The following FBLN2 variants were observed in gnomAD, a reference collection of about 807,000 sequenced individuals.
FBLN2 encodes fibulin-2.
FBLN2 carries 81 observed loss-of-function variants against 123.7 expected under a neutral mutation model. The observed-to-expected ratio is 0.65, with a 90% CI of 0.55 to 0.79. The LOEUF is 0.79. Among genes scored for constraint, FBLN2 ranks in the 30% least tolerant of loss-of-function variants. The pLI, the probability that FBLN2 is intolerant of heterozygous loss-of-function variation, is 0.00. For missense variants in FBLN2, 1,603 were observed against 1,681.3 expected, an observed-to-expected ratio of 0.95 and a Z score of 0.81; for synonymous variants, 699 against 701.4, an observed-to-expected ratio of 1.00 and a Z score of 0.05.
At chr3:13,553,475 T>A (rs1321420344) in intron 1 of FBLN2, among the ~76,000 whole-genome samples, 2 of 152,160 alleles carry the variant, frequency 1.3e-5, no homozygotes, top group African/African-American at 4.8e-5. Flanking sequence ...CCTGGCGAGC[T>A]GCCCTCGTGT....
In FBLN2 at chr3:13,636,529, G is replaced by A. The variant is rs781052911; in HGVS notation, c.3299G>A (p.Arg1100His). 2.0e-5 allele frequency: 33 copies of A among 1,613,546 alleles called. No individual in the cohort carries two copies. The highest frequency in any genetic ancestry group is 1.3e-4 in the East Asian group (6 of 44,874). The change falls in exon 17 of 18, where the codon CGC becomes CAC. Residue 1100 changes from arginine (R) to histidine (H), a missense_variant. Transcript: ENST00000404922. ...ATCCAGGGTAGCTTCCGCTGCCTGC[G>A]CTTCGAGTGTCCTCCCAACTATGTC... ...HNIQGSFRCLRFECPPNYVQV... is the reference protein window; with the variant it reads ...HNIQGSFRCLHFECPPNYVQV...
intron 3 of FBLN2, among the ~76,000 whole-genome samples, chr3:13,609,000 C>G (rs1397855855): frequency 6.6e-6 from 1 of 152,246 alleles, no homozygotes; most frequent in Non-Finnish European, 1.5e-5. Flanking sequence ...CTAAGCGGTC[C>G]TAGTGCATGC....
At chr3:13,586,228 A>T (rs550374079) in intron 2 of FBLN2, among the ~76,000 whole-genome samples, 7 of 152,164 alleles carry the variant, frequency 4.6e-5, no homozygotes, top group Admixed American at 3.9e-4. Context: ...TCTGTCCCCT[A>T]GGCTGGAGTG....
intron 10 of FBLN2, 124 bp downstream of exon 10, chr3:13,626,703 C>T: frequency 1.0e-6 from 1 of 970,566 alleles, no homozygotes; most frequent in Non-Finnish European, 1.4e-6. Context: ...CCCTCTCCAT[C>T]CCCTCCTTTC....
In FBLN2 at chr3:13,629,857, C is replaced by G. The variant is rs767013505; in HGVS notation, c.2880C>G (p.Cys960Trp). The G allele has an allele frequency of 6.3e-7, 1 of 1,591,530 alleles. No individual in the cohort carries two copies. Among genetic ancestry groups the G allele is most frequent in the Admixed American group, 1.8e-5 (1 of 56,988 alleles). The change falls in exon 14 of 18, where the codon TGC (cysteine) becomes TGG (tryptophan). Residue 960 changes from cysteine to tryptophan, a missense_variant. Physicochemically the swap from Cys to Trp is radical, Grantham distance 215. Coordinates refer to ENST00000404922, the MANE Select transcript of FBLN2 (RefSeq NM_001004019.2). ...GCTGGGCCTCGCCAGGCCGCCTGTGCCAGCACACGTGTGAGAACACACTCG... is the reference window on the plus strand; with the variant it reads ...GCTGGGCCTCGCCAGGCCGCCTGTGGCAGCACACGTGTGAGAACACACTCG... ...NECWASPGRL[C>W]QHTCENTLGS...
In FBLN2 at chr3:13,614,021, G is replaced by A. The variant is rs111606594; in HGVS notation, c.1586G>A (p.Arg529Gln). Residue 529 changes from arginine (R) to glutamine (Q), a missense_variant, in exon 5 of 18, where the codon CGG becomes CAG. By Grantham distance (43) the Arg-to-Gln change is conservative. Transcript: ENST00000404922. ...CDCCGLGLRVRAEGQSCESNP... is the reference protein window; with the variant it reads ...CDCCGLGLRVQAEGQSCESNP... The stretch of plus-strand genomic sequence containing the variant: ...TGCTGTGGCCTGGGCCTCCGCGTGC[G>A]GGCCGAGGGCCAGTCGTGTGAGTCC... 3.1e-5 allele frequency: 50 copies of A among 1,613,206 alleles called. No homozygotes were observed. The African/African-American group carries it at 3.9e-4, about 12-fold the overall frequency.
chr3:13,609,800 G>A (rs1006604602), intron 4 of FBLN2, among the ~76,000 whole-genome samples, 158 bp downstream of exon 4: 4 of 152,196 alleles, frequency 2.6e-5, no homozygotes, highest in Non-Finnish European at 4.4e-5. Context: ...CTTAATCTGC[G>A]CAGAAAACAT....
chr3:13,613,656 G>C (rs1158692508), intron 4 of FBLN2, among the ~76,000 whole-genome samples: 1 of 152,210 alleles, frequency 6.6e-6, no homozygotes, highest in Non-Finnish European at 1.5e-5. Context: ...TAACTGCAAA[G>C]GCCCCTGGGA....
rs528375368 is a variant in FBLN2 at position 13,637,616 on chromosome 3, G to A, written c.3393G>A (p.Ala1131=). 20 of 1,613,858 alleles carry A rather than the reference G, an allele frequency of 1.2e-5. 1 individual carries two copies. The highest frequency in any genetic ancestry group is 1.1e-4 in the African/African-American group (8 of 75,076). ...TCCTGGAGTGCCAGAACTCGCCAGC[G>A]CGCATCACGCACTACCAGCTCAACT... is the stretch of plus-strand genomic sequence containing the variant. ...HDFLECQNSP[A]RITHYQLNFQ... is the part of the protein sequence containing the mutation. Residue 1131 remains alanine (A), a synonymous_variant, in exon 18 of 18, where the codon GCG becomes GCA. Coordinates refer to ENST00000404922, the MANE Select transcript of FBLN2 (RefSeq NM_001004019.2).
Position 13,629,263 on chromosome 3 carries a change from A to T in FBLN2, c.2813A>T (p.Gln938Leu), listed in dbSNP as rs1200500080. ...CGCTGTGACTGCAAAGCCGGCTTTCAGCGGGATGCCTTTGGCCGGGGCTGC... is the reference window on the plus strand; with the variant it reads ...CGCTGTGACTGCAAAGCCGGCTTTCTGCGGGATGCCTTTGGCCGGGGCTGC... ...SYRCDCKAGF[Q>L]RDAFGRGCID... The change falls in exon 13 of 18, where the codon CAG becomes CTG. Residue 938 changes from glutamine to leucine, a missense_variant. Coordinates refer to ENST00000404922, the MANE Select transcript of FBLN2 (RefSeq NM_001004019.2). The T allele has an allele frequency of 1.9e-6, 3 of 1,612,108 alleles. No individual in the cohort carries two copies. In the South Asian group the frequency reaches 3.3e-5, roughly 18 times the overall value.
At chr3:13,593,355 G>A (rs1235730107) in intron 2 of FBLN2, among the ~76,000 whole-genome samples, 1 of 152,208 alleles carries the variant, frequency 6.6e-6, no homozygotes, top group African/African-American at 2.4e-5. Context: ...GTAGACAACA[G>A]CCTGGGCTTT....
chr3:13,614,594 C>G (rs1705519624), intron 5 of FBLN2, among the ~76,000 whole-genome samples: 1 of 111,198 alleles, frequency 9.0e-6, no homozygotes, highest in Non-Finnish European at 1.9e-5. Context: ...ATCCATCCAT[C>G]CATCCATCCA....
intron 10 of FBLN2, among the ~76,000 whole-genome samples, chr3:13,627,184 G>A (rs1395472676): frequency 6.6e-6 from 1 of 152,062 alleles, no homozygotes; most frequent in Non-Finnish European, 1.5e-5. Context: ...GGTGACGTTG[G>A]AGTTGAGACC....
chr3:13,575,234 C>T (rs756136164), intron 2 of FBLN2, among the ~76,000 whole-genome samples: 2 of 152,178 alleles, frequency 1.3e-5, no homozygotes, highest in Non-Finnish European at 2.9e-5. Flanking sequence ...AACCATAAGC[C>T]GCATGCTCAG....
At chr3:13,581,231 G>A (rs1426410587) in intron 2 of FBLN2, among the ~76,000 whole-genome samples, 2 of 149,430 alleles carry the variant, frequency 1.3e-5, no homozygotes, top group Non-Finnish European at 3.0e-5. Context: ...GTGGGGGGGA[G>A]GTGTGGGCCT....
In FBLN2 at chr3:13,621,770, A is replaced by G. The variant is rs1574992108; in HGVS notation, c.2156-5A>G. On this transcript the variant is annotated splice_polypyrimidine_tract_variant and splice_region_variant and intron_variant, in intron 8 of 17. Coordinates refer to ENST00000404922, the MANE Select transcript of FBLN2 (RefSeq NM_001004019.2). Reference sequence around the variant, plus strand: ...TTCTGTTTTTCCTCCTGCGGCTGCCACTAGACCAAGACGAGTGCCTGATGG... The same window carrying G: ...TTCTGTTTTTCCTCCTGCGGCTGCCGCTAGACCAAGACGAGTGCCTGATGG... The G allele has an allele frequency of 1.9e-6, 3 of 1,613,830 alleles. No individual in the cohort carries two copies. The highest frequency in any genetic ancestry group is 2.2e-5 in the East Asian group (1 of 44,852).
chr3:13,585,868 T>A (rs929704815), intron 2 of FBLN2, among the ~76,000 whole-genome samples: 1 of 152,224 alleles, frequency 6.6e-6, no homozygotes, highest in African/African-American at 2.4e-5. Flanking sequence ...ATAATGAATG[T>A]CTGTGTTACC....
chr3:13,602,215 C>A (rs1705055012), intron 2 of FBLN2, among the ~76,000 whole-genome samples: 1 of 152,186 alleles, frequency 6.6e-6, no homozygotes, highest in Non-Finnish European at 1.5e-5. Flanking sequence ...TCTTTCCCTG[C>A]AAAGTTTGAA....
intron 2 of FBLN2, among the ~76,000 whole-genome samples, chr3:13,581,964 G>C (rs916678837): frequency 6.6e-6 from 1 of 152,074 alleles, no homozygotes; most frequent in Non-Finnish European, 1.5e-5. Flanking sequence ...AGGCTGGCTC[G>C]ACCCTTCACT....
Sources: allele counts gnomAD v4.1 joint callset (sites outside exome capture counted in the v4.1 genomes callset), GRCh38; gene constraint gnomAD v4.1.1; transcripts MANE v1.5; gene names NCBI Gene and HGNC (gene_info 2026-07-23, HGNC 2026-07-21).